CDC37L1: variants seen among roughly 807,000 people sequenced by gnomAD.
CDC37L1 encodes the protein cell division cycle 37 like 1, HSP90 cochaperone.
Under a neutral mutation model 45.9 loss-of-function variants are expected in CDC37L1, and 32 were observed. That is an observed-to-expected ratio of 0.70 (90% CI 0.53 to 0.94). CDC37L1 has a LOEUF of 0.94. Among genes scored for constraint, CDC37L1 ranks in the 40% least tolerant of loss-of-function variants. The probability of loss-of-function intolerance (pLI) is 0.00; values close to 1 mark genes in which losing one functional copy is unlikely to be tolerated. For missense variants in CDC37L1, 434 were observed against 405.7 expected (o/e 1.07, Z -0.60); for synonymous variants, 150 against 133.0 (o/e 1.13, Z -0.88).
At position 4,679,946 on chromosome 9, in the gene CDC37L1, C is replaced by T. The variant is rs1182354146; in HGVS notation, c.132+47C>T. On this transcript the variant is annotated intron_variant, in intron 1 of 6. Coordinates refer to ENST00000381854, the MANE Select transcript of CDC37L1 (RefSeq NM_017913.4). ...GCGGAGGGATGGAGTGGTGCTGTCG[C>T]CAAACCCCTGGAATGCCGCGTCTCC... is the stretch of plus-strand genomic sequence containing the variant. 5.6e-6 allele frequency: 9 copies of T among 1,606,000 alleles called. No individual in the cohort carries two copies. In the Admixed American group the frequency reaches 6.7e-5, roughly 12 times the overall value.
At position 4,684,374 on chromosome 9, in the gene CDC37L1, A is replaced by G. The variant is rs143400799; in HGVS notation, c.133-503A>G. Among the ~76,000 whole-genome samples the G allele has an allele frequency of 1.4e-4, 21 of 152,346 alleles. No homozygotes were observed. In the East Asian group the frequency reaches 3.9e-3, roughly 28 times the overall value. ...AATCAGTTATAAATGGAAATATCCA[A>G]TAAGAACTTCTCAAATCACCAAGGA... On this transcript the variant is annotated intron_variant, in intron 1 of 6. Transcript: ENST00000381854.
intron 3 of CDC37L1, among the ~76,000 whole-genome samples, chr9:4,695,876 C>T (rs535356523): frequency 2.6e-4 from 40 of 152,270 alleles, no homozygotes; most frequent in African/African-American, 5.3e-4. Flanking sequence ...CTGCAACCTC[C>T]GCCTCCTGGG....
At chr9:4,684,680 C>A (rs1297204909) in intron 1 of CDC37L1, among the ~76,000 whole-genome samples, 197 bp from the exon 2 acceptor site, 1 of 152,002 alleles carries the variant, frequency 6.6e-6, no homozygotes, top group South Asian at 2.1e-4. Context: ...GGGGATAGGC[C>A]TAAATTAACA....
rs1260940574 is a variant in CDC37L1 at position 4,679,878 on chromosome 9, G to C, written c.111G>C (p.Gln37His). The C allele has an allele frequency of 6.2e-7, 1 of 1,613,850 alleles. No individual in the cohort carries two copies. The highest frequency in any genetic ancestry group is 1.1e-5 in the South Asian group (1 of 91,070). The change falls in exon 1 of 7, where the codon CAG becomes CAC. Residue 37 changes from glutamine to histidine, a missense_variant. Coordinates refer to ENST00000381854, the MANE Select transcript of CDC37L1 (RefSeq NM_017913.4). ...DVFPSSPRCP[Q>H]LPGGGAQMYS... ...TCCCCAGTTCTCCCCGCTGCCCGCA[G>C]CTGCCAGGCGGCGGCGCCCAGGTGA...
chr9:4,694,035 A>G (rs1233558897), intron 3 of CDC37L1, among the ~76,000 whole-genome samples: 1 of 152,180 alleles, frequency 6.6e-6, no homozygotes, highest in East Asian at 1.9e-4. Context: ...CCAAAATAAT[A>G]TCAGTAATTT....
rs372310217 is a variant in CDC37L1, at chr9:4,684,942, G to C, written c.198G>C (p.Ala66=). 10 of 1,613,524 alleles carry C rather than the reference G, an allele frequency of 6.2e-6. No individual in the cohort carries two copies. The highest frequency in any genetic ancestry group is 7.6e-6 in the Non-Finnish European group (9 of 1,179,610). The change falls in exon 2 of 7, where the codon GCG becomes GCC. Residue 66 remains alanine, a synonymous_variant. Transcript: ENST00000381854. The part of the protein sequence containing the change: ...KQKEFVKSSV[A]CKWNLAEAQQ... Reference sequence around the variant, plus strand: ...AAGAGTTTGTGAAGAGCTCTGTGGCGTGCAAATGGAATCTTGCTGAAGCTC... The same window carrying C: ...AAGAGTTTGTGAAGAGCTCTGTGGCCTGCAAATGGAATCTTGCTGAAGCTC...
At chr9:4,698,517 T>G (rs148118840) in intron 5 of CDC37L1, among the ~76,000 whole-genome samples, 12 of 151,600 alleles carry the variant, frequency 7.9e-5, no homozygotes, top group African/African-American at 2.2e-4. Flanking sequence ...TCACAAGATT[T>G]GCAGTAATTT....
In CDC37L1 at chr9:4,679,797, C is replaced by T. The variant is rs145366983; in HGVS notation, c.30C>T (p.Pro10=). ...AACAACCGTGGCCGCCTCCGGGACC[C>T]TGGAGCCTCCCTCGGGCCGAGGGTG... MEQPWPPPG[P]WSLPRAEGEA... is the part of the protein sequence containing the mutation. Residue 10 remains proline (P), a synonymous_variant, in exon 1 of 7, where the codon CCC becomes CCT. Coordinates refer to ENST00000381854, the MANE Select transcript of CDC37L1 (RefSeq NM_017913.4). The T allele has an allele frequency of 7.1e-5, 115 of 1,613,670 alleles. 2 individuals carry two copies. The African/African-American group carries it at 1.3e-3, about 18-fold the overall frequency.
At position 4,706,777 on chromosome 9, in the gene CDC37L1, C is replaced by T. The variant is rs963394909; in HGVS notation, c.*665C>T. 6.6e-6 allele frequency: 1 copy of T among 152,162 alleles called. No homozygotes were observed. The highest frequency in any genetic ancestry group is 6.5e-5 in the Admixed American group (1 of 15,270). 9.4% of individuals were successfully genotyped at this position (152,162 alleles called of 1,614,324 possible). On this transcript the variant is annotated 3_prime_UTR_variant, in exon 7 of 7. Transcript: ENST00000381854. ...TTCCTTAGAATTTGATTTTACCCTG[C>T]TGACTTTAAGAGTTATAATAATATC...
In CDC37L1 at chr9:4,679,883, C is replaced by T; in HGVS notation, c.116C>T (p.Pro39Leu). Residue 39 changes from proline to leucine, a missense_variant, in exon 1 of 7, where the codon CCA becomes CTA. Physicochemically the swap from Pro to Leu is moderately conservative, Grantham distance 98. Coordinates refer to ENST00000381854, the MANE Select transcript of CDC37L1 (RefSeq NM_017913.4). ...AGTTCTCCCCGCTGCCCGCAGCTGC[C>T]AGGCGGCGGCGCCCAGGTGAGAAGG... ...FPSSPRCPQL[P>L]GGGAQMYSHG... 9 of 1,613,788 alleles carry T rather than the reference C, an allele frequency of 5.6e-6. No individual in the cohort carries two copies. Among genetic ancestry groups the T allele is most frequent in the Non-Finnish European group, 6.8e-6 (8 of 1,179,938 alleles).
chr9:4,702,052 G>T lies in CDC37L1; in HGVS notation c.912+24G>T, dbSNP rs1037691458. 2.3e-5 allele frequency: 28 copies of T among 1,221,778 alleles called. No homozygotes were observed. In the African/African-American group the frequency reaches 2.5e-4, roughly 11 times the overall value. 75.7% of individuals were successfully genotyped at this position (1,221,778 alleles called of 1,614,324 possible). On this transcript the variant is annotated intron_variant, in intron 6 of 6. Coordinates refer to ENST00000381854, the MANE Select transcript of CDC37L1 (RefSeq NM_017913.4). ...AGGTAAGTTGGAAAAGTAAATATTT[G>T]TTTTATAAGCCTATTAATTCACATA...
chr9:4,702,985 T>C, intron 6 of CDC37L1: 1 of 1,210,770 alleles, frequency 8.3e-7, no homozygotes, highest in Non-Finnish European at 1.1e-6. Context: ...GTCTGCCTGA[T>C]GCTAGTTAGG....
intron 3 of CDC37L1, among the ~76,000 whole-genome samples, chr9:4,693,483 C>T (rs138928151): frequency 1.8e-4 from 27 of 151,800 alleles, no homozygotes; most frequent in Admixed American, 5.2e-4. Context: ...AATAATAATT[C>T]TATAAGTGTA....
In CDC37L1 at chr9:4,707,178, A is replaced by T. The variant is rs1407600721; in HGVS notation, c.*1066A>T. 1.3e-5 allele frequency: 2 copies of T among 152,120 alleles called. No homozygotes were observed. Among genetic ancestry groups the T allele is most frequent in the Non-Finnish European group, 2.9e-5 (2 of 68,022 alleles). The allele number at this position is 152,120 out of a possible 1,614,324, so 9.4% of individuals were successfully genotyped here. A position where few individuals can be genotyped will look rare whatever the true frequency, so the allele number is the denominator to read the frequency against. On this transcript the variant is annotated 3_prime_UTR_variant, in exon 7 of 7. Transcript: ENST00000381854. ...CAACATTTGGCATTTCCCCTTTTTC[A>T]GCTCAGTTACCATAGAATACTTCCA...
intron 1 of CDC37L1, among the ~76,000 whole-genome samples, chr9:4,684,458 G>A (rs79808597): frequency 6.6e-6 from 1 of 152,242 alleles, no homozygotes; most frequent in Non-Finnish European, 1.5e-5. Context: ...GATAAAAGGA[G>A]GTTTTTTTGT....
chr9:4,689,479 T>C (rs1413673037), intron 3 of CDC37L1, among the ~76,000 whole-genome samples: 1 of 152,190 alleles, frequency 6.6e-6, no homozygotes, highest in East Asian at 1.9e-4. Context: ...GCTTCAGTTA[T>C]GTCAATATAA....
At chr9:4,705,984 C>T (rs141038343) in intron 6 of CDC37L1, 27 bp from the exon 7 acceptor site, 13 of 1,130,514 alleles carry the variant, frequency 1.1e-5, no homozygotes, top group Non-Finnish European at 1.7e-5. Flanking sequence ...TTTTTCTCCC[C>T]CCAATCTACC....
At chr9:4,702,888 CAAAAAAAAAAAAAAA>C (rs397829063) in intron 6 of CDC37L1, among the ~76,000 whole-genome samples, 2 of 42,984 alleles carry the variant, frequency 4.7e-5, no homozygotes, top group Non-Finnish European at 9.5e-5. Context: ...GACTCCGTCT[CAAAAAAAAAAAAAAA>C]AAAAAAAAAA....
chr9:4,702,648 G>A (rs1281178867), intron 6 of CDC37L1, among the ~76,000 whole-genome samples: 5 of 151,888 alleles, frequency 3.3e-5, no homozygotes, highest in Non-Finnish European at 7.4e-5. Flanking sequence ...TTGGAAGGCC[G>A]AGACAGGCAG....
Sources: allele counts gnomAD v4.1 joint callset (sites outside exome capture counted in the v4.1 genomes callset), GRCh38; gene constraint gnomAD v4.1.1; transcripts MANE v1.5; gene names NCBI Gene and HGNC (gene_info 2026-07-23, HGNC 2026-07-21).